Variants in HERC3 observed in about 807,000 individuals in gnomAD.
HERC3 encodes the protein probable E3 ubiquitin-protein ligase HERC3.
Under a neutral mutation model 129.9 loss-of-function variants are expected in HERC3, and 58 were observed. The ratio of observed to expected loss-of-function variants is 0.45; its 90% confidence interval spans 0.36 to 0.56. The LOEUF (loss-of-function observed/expected upper bound fraction) is 0.56, where lower values mean the gene tolerates loss of function less well. HERC3 is among the 20% of genes least tolerant of loss of function. The pLI is 0.00. For synonymous variants in HERC3, 430 were observed against 451.0 expected (o/e 0.95, Z 0.59); for missense variants, 835 against 1,244.2 (o/e 0.67, Z 4.95).
intron 3 of HERC3, among the ~76,000 whole-genome samples, chr4:88,638,276 G>T (rs1381957438): frequency 6.6e-6 from 1 of 150,530 alleles, no homozygotes; most frequent in Non-Finnish European, 1.5e-5. Context: ...AAACCTGGCA[G>T]AGACACAACA....
chr4:88,667,945 A>G lies in HERC3; in HGVS notation c.1497A>G (p.Pro499=). The G allele has an allele frequency of 6.2e-7, 1 of 1,613,598 alleles. No homozygotes were observed. Among genetic ancestry groups the G allele is most frequent in the Non-Finnish European group, 8.5e-7 (1 of 1,179,566 alleles). ...TTCCCCAGTTGTCAAGCTCACCACC[A>G]GATGTTGAAGCCATGAGAATCTATT... ...CLIPQLSSSP[P]DVEAMRIYLI... Residue 499 remains proline (P), a synonymous_variant, in exon 14 of 26, where the codon CCA becomes CCG. Coordinates refer to ENST00000402738, the MANE Select transcript of HERC3 (RefSeq NM_014606.3).
chr4:88,672,071 A>G (rs1233131272), intron 16 of HERC3, among the ~76,000 whole-genome samples: 1 of 152,230 alleles, frequency 6.6e-6, no homozygotes, highest in African/African-American at 2.4e-5. Context: ...ATGGAAGTTA[A>G]ACAATTTTTC....
the HERC3 span, among the ~76,000 whole-genome samples, chr4:88,582,611 T>C: frequency 6.6e-6 from 1 of 152,210 alleles, no homozygotes; most frequent in Non-Finnish European, 1.5e-5. Flanking sequence ...CCAGTCAAGA[T>C]TAGTCACGAG....
intron 16 of HERC3, among the ~76,000 whole-genome samples, chr4:88,672,054 T>A (rs1294413165): frequency 2.0e-5 from 3 of 152,210 alleles, no homozygotes; most frequent in Non-Finnish European, 4.4e-5. Flanking sequence ...TGTTTCTAGA[T>A]GAGGAAATGG....
Position 88,655,249 on chromosome 4 carries a change from C to A in HERC3, c.853C>A (p.Pro285Thr), listed in dbSNP as rs1163827366. The change falls in exon 8 of 26, where the codon CCT becomes ACT. Residue 285 changes from proline (P) to threonine (T), a missense_variant. Pro to Thr is a conservative substitution (Grantham distance 38). Transcript: ENST00000402738. ...GHDSMNDEVN[P>T]RRVLELMGSE... ...CGACTCCATGAATGATGAGGTTAAC[C>A]CTAGAAGAGTTCTAGAGCTGATGGG... The A allele has an allele frequency of 6.2e-7, 1 of 1,613,834 alleles. No homozygotes were observed. Among genetic ancestry groups the A allele is most frequent in the South Asian group, 1.1e-5 (1 of 91,068 alleles).
the HERC3 span, among the ~76,000 whole-genome samples, chr4:88,524,179 C>G: frequency 4.2e-3 from 645 of 152,274 alleles, 5 homozygotes; most frequent in African/African-American, 0.014. Context: ...TACATCTTTA[C>G]TATACCATTA....
chr4:88,621,807 C>A (rs2149222446), intron 3 of HERC3, among the ~76,000 whole-genome samples: 1 of 152,312 alleles, frequency 6.6e-6, no homozygotes. Context: ...TGTTAATTCC[C>A]TTACCTAAAT....
In HERC3 at chr4:88,667,243, A is replaced by AT. The variant is rs1166211900; in HGVS notation, c.1332-129dup. On this transcript the variant is annotated intron_variant, in intron 12 of 25. Coordinates refer to ENST00000402738, the MANE Select transcript of HERC3 (RefSeq NM_014606.3). The stretch of plus-strand genomic sequence containing the variant: ...TTTTGAGATTTATGCAAAGTGTAGT[A>AT]TTTTTGTGGATCTTATCTGCCAGAT... 1.2e-4 allele frequency: 56 copies of AT among 465,888 alleles called. No homozygotes were observed. In the East Asian group the frequency reaches 1.9e-3, roughly 16 times the overall value. The allele number at this position is 465,888 out of a possible 1,614,324, so 28.9% of individuals were successfully genotyped here. A position where few individuals can be genotyped will look rare whatever the true frequency, so the allele number is the denominator to read the frequency against.
Position 88,667,406 on chromosome 4 carries a change from A to C in HERC3, c.1361A>C (p.Lys454Thr), listed in dbSNP as rs747055253. ...KIDEHFKTSP[K>T]IPGIDLNSTR... ...GATGAACATTTTAAAACGAGTCCCA[A>C]AATCCCTGGGATTGACCTGAACTCA... Residue 454 changes from lysine (K) to threonine (T), a missense_variant, in exon 13 of 26, where the codon AAA becomes ACA. Coordinates refer to ENST00000402738, the MANE Select transcript of HERC3 (RefSeq NM_014606.3). 6 of 1,605,666 alleles carry C rather than the reference A, an allele frequency of 3.7e-6. No individual in the cohort carries two copies. The highest frequency in any genetic ancestry group is 5.1e-6 in the Non-Finnish European group (6 of 1,176,402).
upstream of HERC3, among the ~76,000 whole-genome samples, chr4:88,587,844 C>G (rs1721571215): frequency 6.6e-6 from 1 of 152,238 alleles, no homozygotes; most frequent in African/African-American, 2.4e-5. Flanking sequence ...CAAACGTGAT[C>G]TTTGCTGCTT....
the HERC3 span, among the ~76,000 whole-genome samples, chr4:88,584,310 G>A: frequency 6.6e-6 from 1 of 152,116 alleles, no homozygotes; most frequent in Non-Finnish European, 1.5e-5. Context: ...GAATTTGAAG[G>A]GAAACTATTT....
intron 9 of HERC3, chr4:88,656,758 A>T (rs549284061): frequency 6.6e-6 from 1 of 152,370 alleles, no homozygotes; most frequent in African/African-American, 2.4e-5. Flanking sequence ...ATGCTTAATG[A>T]CGTTTCATTA....
At chr4:88,631,906 G>A (rs769324307) in intron 3 of HERC3, among the ~76,000 whole-genome samples, 15 of 152,206 alleles carry the variant, frequency 9.9e-5, no homozygotes, top group South Asian at 4.1e-4. Flanking sequence ...AACCTGGACA[G>A]AATGCCTGGA....
chr4:88,675,279 G>A (rs970071505), intron 16 of HERC3, among the ~76,000 whole-genome samples: 3 of 152,208 alleles, frequency 2.0e-5, no homozygotes, highest in African/African-American at 4.8e-5. Context: ...TGCAGATGGA[G>A]CATCCACATG....
the HERC3 span, among the ~76,000 whole-genome samples, chr4:88,567,566 G>A: frequency 6.6e-6 from 1 of 151,956 alleles, no homozygotes; most frequent in Non-Finnish European, 1.5e-5. Flanking sequence ...CAATTTTGCT[G>A]TTGAGAGACT....
At chr4:88,662,318 C>T in intron 10 of HERC3, 113 bp from the exon 11 acceptor site, 2 of 1,062,572 alleles carry the variant, frequency 1.9e-6, no homozygotes, top group African/African-American at 1.6e-5. Flanking sequence ...CGGCACACTG[C>T]AGCATTTAGA....
chr4:88,645,144 G>T (rs913933835), intron 3 of HERC3, among the ~76,000 whole-genome samples: 2 of 152,156 alleles, frequency 1.3e-5, no homozygotes, highest in Non-Finnish European at 2.9e-5. Context: ...AGACTGGGTT[G>T]ATAGTATTTT....
At chr4:88,697,163 C>A in intron 23 of HERC3, 1 of 1,457,050 alleles carries the variant, frequency 6.9e-7, no homozygotes, top group Non-Finnish European at 9.1e-7. Flanking sequence ...CAAAACCAGG[C>A]TTTTTTCTTC....
chr4:88,706,669 C>A, intron 25 of HERC3, 83 bp from the exon 26 acceptor site: 1 of 1,061,488 alleles, frequency 9.4e-7, no homozygotes, highest in Non-Finnish European at 1.4e-6. Flanking sequence ...GGGTGTCATG[C>A]CTTCCTCTCC....
Sources: allele counts gnomAD v4.1 joint callset (sites outside exome capture counted in the v4.1 genomes callset), GRCh38; gene constraint gnomAD v4.1.1; transcripts MANE v1.5; gene names NCBI Gene and HGNC (gene_info 2026-07-23, HGNC 2026-07-21).